Variants in SLC4A4 observed in about 807,000 individuals in gnomAD.
SLC4A4 encodes the protein solute carrier family 4 member 4, also known as electrogenic sodium bicarbonate cotransporter 1.
SLC4A4 carries 27 observed loss-of-function variants against 111.5 expected under a neutral mutation model. That is an observed-to-expected ratio of 0.24 (90% CI 0.18 to 0.33). The LOEUF (loss-of-function observed/expected upper bound fraction) is 0.33, where lower values mean the gene tolerates loss of function less well. Among genes scored for constraint, SLC4A4 ranks in the 10% least tolerant of loss-of-function variants. The probability of loss-of-function intolerance (pLI) is 1.00; values close to 1 mark genes in which losing one functional copy is unlikely to be tolerated. For synonymous variants in SLC4A4, 443 were observed against 463.4 expected (o/e 0.96, Z 0.57); for missense variants, 909 against 1,315.5 (o/e 0.69, Z 4.78).
intron 3 of SLC4A4, among the ~76,000 whole-genome samples, chr4:71,305,898 T>A (rs552168569): frequency 3.3e-5 from 5 of 152,172 alleles, no homozygotes; most frequent in African/African-American, 1.2e-4. Context: ...AGGGGAGGTT[T>A]TATGGAAGAG....
intron 2 of SLC4A4, among the ~76,000 whole-genome samples, chr4:71,119,231 C>G (rs1578497322): frequency 2.0e-5 from 3 of 152,266 alleles, no homozygotes; most frequent in African/African-American, 7.2e-5. Flanking sequence ...AAAACATAGT[C>G]TATTAAGAAA....
intron 2 of SLC4A4, among the ~76,000 whole-genome samples, chr4:71,114,755 A>C (rs1420048340): frequency 7.4e-6 from 1 of 134,822 alleles, no homozygotes; most frequent in Non-Finnish European, 1.6e-5. Context: ...AAACTAGTTC[A>C]ACCATTGTGG....
chr4:71,562,685 T>C (rs1036884470), intron 23 of SLC4A4, among the ~76,000 whole-genome samples: 5 of 151,854 alleles, frequency 3.3e-5, no homozygotes, highest in African/African-American at 9.7e-5. Context: ...AGCACACCGA[T>C]GGGTCTTGAT....
chr4:71,368,112 T>G (rs1277196190), intron 6 of SLC4A4, among the ~76,000 whole-genome samples: 1 of 152,216 alleles, frequency 6.6e-6, no homozygotes, highest in East Asian at 1.9e-4. Context: ...AAAGGATAAT[T>G]ATGCCGTCTC....
chr4:71,508,220 A>G (rs1731593703), intron 16 of SLC4A4, among the ~76,000 whole-genome samples: 1 of 152,170 alleles, frequency 6.6e-6, no homozygotes, highest in Non-Finnish European at 1.5e-5. Flanking sequence ...AGCAGAAGAC[A>G]AGAAAAACCA....
intron 3 of SLC4A4, among the ~76,000 whole-genome samples, chr4:71,316,756 C>T (rs1726715035): frequency 6.6e-6 from 1 of 152,072 alleles, no homozygotes; most frequent in South Asian, 2.1e-4. Flanking sequence ...CCCTGTGTTC[C>T]ACATGTTCTC....
At chr4:71,291,365 G>A (rs544313888) in intron 3 of SLC4A4, among the ~76,000 whole-genome samples, 1 of 152,082 alleles carries the variant, frequency 6.6e-6, no homozygotes, top group Non-Finnish European at 1.5e-5. Context: ...TTATAATGTG[G>A]GATCTGAAAT....
chr4:71,105,121 C>T (rs1742869617), intron 2 of SLC4A4, among the ~76,000 whole-genome samples: 2 of 136,392 alleles, frequency 1.5e-5, no homozygotes, highest in South Asian at 4.8e-4. Flanking sequence ...TTCTTATACA[C>T]CAACAACAGA....
At chr4:71,520,991 G>C (rs915513877) in intron 16 of SLC4A4, among the ~76,000 whole-genome samples, 1 of 151,898 alleles carries the variant, frequency 6.6e-6, no homozygotes, top group Admixed American at 6.6e-5. Context: ...CAAAGTGCTG[G>C]GATTATGGGC....
chr4:71,373,310 T>C (rs955101856), intron 6 of SLC4A4, among the ~76,000 whole-genome samples: 4 of 152,190 alleles, frequency 2.6e-5, no homozygotes, highest in Non-Finnish European at 4.4e-5. Context: ...TGTACAACAG[T>C]AGCATTTATT....
At chr4:71,320,475 A>G (rs150906769) in intron 3 of SLC4A4, among the ~76,000 whole-genome samples, 3 of 152,008 alleles carry the variant, frequency 2.0e-5, no homozygotes, top group African/African-American at 7.2e-5. Flanking sequence ...TTCTTTATAC[A>G]TTTCTATAAC....
chr4:71,391,885 G>A (rs1053318690), intron 6 of SLC4A4, among the ~76,000 whole-genome samples: 1 of 151,980 alleles, frequency 6.6e-6, no homozygotes, highest in Non-Finnish European at 1.5e-5. Flanking sequence ...ATACTTTAGG[G>A]TACACTTGTA....
chr4:71,147,769 C>T (rs1217687058), intron 2 of SLC4A4, among the ~76,000 whole-genome samples: 1 of 152,046 alleles, frequency 6.6e-6, no homozygotes, highest in African/African-American at 2.4e-5. Flanking sequence ...TTGCCACCAC[C>T]CATCTGCATT....
rs1278405663 is a variant in SLC4A4, at chr4:71,359,650, G to T, written c.730+2463G>T. Among the ~76,000 whole-genome samples, 3 of 152,044 alleles carry T rather than the reference G, an allele frequency of 2.0e-5. No homozygotes were observed. The East Asian group carries it at 5.8e-4, about 29-fold the overall frequency. On this transcript the variant is annotated intron_variant, in intron 6 of 25. Coordinates refer to ENST00000264485, the MANE Select transcript of SLC4A4 (RefSeq NM_001098484.3). ...ATAAATTTCTAAACAAACGTTCTTA[G>T]AATAAATTTCTAACTAAAATTTCTA...
chr4:71,188,302 C>T (rs1415199923), intron 1 of SLC4A4, among the ~76,000 whole-genome samples: 2 of 152,248 alleles, frequency 1.3e-5, no homozygotes, highest in Non-Finnish European at 2.9e-5. Flanking sequence ...TTTTCAGCGC[C>T]CTGTAAAACT....
chr4:71,295,114 C>A (rs949956303), intron 3 of SLC4A4, among the ~76,000 whole-genome samples: 1 of 152,118 alleles, frequency 6.6e-6, no homozygotes, highest in East Asian at 1.9e-4. Flanking sequence ...GTAAACAGCT[C>A]ATTTCTGCAG....
At chr4:71,299,231 A>G (rs1725029573) in intron 3 of SLC4A4, among the ~76,000 whole-genome samples, 1 of 152,242 alleles carries the variant, frequency 6.6e-6, no homozygotes, top group Non-Finnish European at 1.5e-5. Context: ...GCCATAGGAA[A>G]TAGGGCATTT....
At chr4:71,148,641 A>G (rs1014733494) in intron 2 of SLC4A4, among the ~76,000 whole-genome samples, 2 of 152,130 alleles carry the variant, frequency 1.3e-5, no homozygotes, top group Non-Finnish European at 2.9e-5. Context: ...AAAAGAGAGC[A>G]TGTGGTATTT....
At chr4:71,384,214 T>A (rs1718442390) in intron 6 of SLC4A4, among the ~76,000 whole-genome samples, 1 of 152,120 alleles carries the variant, frequency 6.6e-6, no homozygotes, top group African/African-American at 2.4e-5. Context: ...GCGTAATTAA[T>A]CTCTCCAAGG....
Sources: allele counts gnomAD v4.1 joint callset (sites outside exome capture counted in the v4.1 genomes callset), GRCh38; gene constraint gnomAD v4.1.1; transcripts MANE v1.5; gene names NCBI Gene and HGNC (gene_info 2026-07-23, HGNC 2026-07-21).